GAB4: variants seen among roughly 807,000 people sequenced by gnomAD.
The protein encoded by GAB4 is GRB2 associated binding protein family member 4, also known as GRB2-associated-binding protein 4.
A neutral mutation model predicts 51.3 loss-of-function variants in GAB4; 26 were observed. The observed-to-expected ratio is 0.51, with a 90% CI of 0.37 to 0.70. The LOEUF is 0.70. GAB4 is among the 30% of genes least tolerant of loss of function. The pLI is 0.00. For missense variants in GAB4, 759 were observed against 734.6 expected, an observed-to-expected ratio of 1.03 and a Z score of -0.38; for synonymous variants, 329 against 291.2, an observed-to-expected ratio of 1.13 and a Z score of -1.32.
intron 3 of GAB4, among the ~76,000 whole-genome samples, chr22:16,976,084 A>C (rs1419879208): frequency 6.6e-6 from 1 of 152,236 alleles, no homozygotes; most frequent in African/African-American, 2.4e-5. Flanking sequence ...AAAACAGTGC[A>C]AAAAGGCTGA....
At position 16,992,073 on chromosome 22, in the gene GAB4, G is replaced by A. The variant is rs775789722; in HGVS notation, c.278C>T (p.Thr93Ile). Reference sequence around the variant, plus strand: ...CTGCTCACAGAGGTTCAGGTTGATGGTGCGCAGGGGCTTCTTGGAGCCATC... The same window carrying A: ...CTGCTCACAGAGGTTCAGGTTGATGATGCGCAGGGGCTTCTTGGAGCCATC... ...KNDGSKKPLR[T>I]INLNLCEQLD... Residue 93 changes from threonine to isoleucine, a missense_variant, in exon 2 of 10, where the codon ACC (threonine) becomes ATC (isoleucine). Thr to Ile is a moderately conservative substitution (Grantham distance 89). Transcript: ENST00000400588. 5.6e-6 allele frequency: 9 copies of A among 1,614,082 alleles called. No homozygotes were observed.
chr22:16,978,441 G>T (rs1464659397), intron 3 of GAB4, among the ~76,000 whole-genome samples: 2 of 151,902 alleles, frequency 1.3e-5, no homozygotes, highest in Non-Finnish European at 2.9e-5. Flanking sequence ...GAAGAAATGG[G>T]CAAATACCTG....
At chr22:16,982,580 C>T (rs1207104741) in intron 3 of GAB4, among the ~76,000 whole-genome samples, 1 of 152,062 alleles carries the variant, frequency 6.6e-6, no homozygotes, top group African/African-American at 2.4e-5. Flanking sequence ...TTAAAATGTC[C>T]ACACCACCTA....
intron 5 of GAB4, 88 bp from the exon 6 acceptor site, chr22:16,966,452 A>T: frequency 7.4e-7 from 1 of 1,356,722 alleles, no homozygotes. Flanking sequence ...AAAAAGAGTC[A>T]TGACGGGGTG....
chr22:16,966,461 T>C, intron 5 of GAB4, 97 bp from the exon 6 acceptor site: 1 of 1,270,786 alleles, frequency 7.9e-7, no homozygotes, highest in Non-Finnish European at 1.1e-6. Flanking sequence ...CATGACGGGG[T>C]GTTTTGAACG....
At chr22:16,999,081 G>A (rs559888937) in intron 1 of GAB4, among the ~76,000 whole-genome samples, 2 of 152,310 alleles carry the variant, frequency 1.3e-5, no homozygotes, top group East Asian at 1.9e-4. Context: ...TGTTCATCAG[G>A]GATATTGGTC....
At chr22:16,974,877 T>C (rs1395272758) in intron 3 of GAB4, among the ~76,000 whole-genome samples, 2 of 151,994 alleles carry the variant, frequency 1.3e-5, no homozygotes, top group African/African-American at 4.8e-5. Flanking sequence ...CGAAGCAGGG[T>C]GGGGCGTCAC....
At chr22:16,962,976 A>C in intron 9 of GAB4, 100 bp from the exon 10 acceptor site, 12 of 1,160,992 alleles carry the variant, frequency 1.0e-5, no homozygotes, top group South Asian at 1.5e-5. Context: ...TCTCAGGGGG[A>C]AGGAACCTCT....
At position 17,007,810 on chromosome 22, in the gene GAB4, G is replaced by A. The variant is rs929676469; in HGVS notation, c.174+131C>T. ...CTCTCACTGGCGGGGAGTCGCCTTC[G>A]CATGCAGACGTGGAGAAGTCGCCTC... On this transcript the variant is annotated intron_variant, in intron 1 of 9. Transcript: ENST00000400588. 68 of 799,448 alleles carry A rather than the reference G, an allele frequency of 8.5e-5. No homozygotes were observed. The Middle Eastern group carries it at 1.2e-3, about 14-fold the overall frequency. The allele number at this position is 799,448 out of a possible 1,614,324, so 49.5% of individuals were successfully genotyped here. A position where few individuals can be genotyped will look rare whatever the true frequency, so the allele number is the denominator to read the frequency against.
intron 4 of GAB4, 149 bp downstream of exon 4, chr22:16,969,794 C>T: frequency 1.0e-6 from 1 of 1,003,142 alleles, no homozygotes; most frequent in South Asian, 1.5e-5. Flanking sequence ...GAGTGGCCAC[C>T]ACCATGGCAT....
intron 3 of GAB4, among the ~76,000 whole-genome samples, chr22:16,977,666 C>T (rs551904801): frequency 6.6e-6 from 1 of 152,298 alleles, no homozygotes; most frequent in East Asian, 1.9e-4. Context: ...AGTTCTGGAA[C>T]AAGCAGACCT....
At position 16,964,419 on chromosome 22, in the gene GAB4, C is replaced by G. The variant is rs1055298808; in HGVS notation, c.1476+347G>C. Among the ~76,000 whole-genome samples, 25 of 152,212 alleles carry G rather than the reference C, an allele frequency of 1.6e-4. 1 individual carries two copies. The highest frequency in any genetic ancestry group is 1.5e-3 in the Admixed American group (23 of 15,288). On this transcript the variant is annotated intron_variant, in intron 8 of 9. Transcript: ENST00000400588. ...ACCTGCATCTCCACGTCTCTCACAG[C>G]CCTCACCAGGGTGAAGCATGTACAT...
rs1175630056 is a variant in GAB4, at chr22:16,992,099, A to G, written c.252T>C (p.Asn84=). 1 of 1,614,236 alleles carries G rather than the reference A, an allele frequency of 6.2e-7. No homozygotes were observed. Among genetic ancestry groups the G allele is most frequent in the Non-Finnish European group, 8.5e-7 (1 of 1,180,032 alleles). Reference sequence around the variant, plus strand: ...TGCGCAGGGGCTTCTTGGAGCCATCATTCTTGTAGTATTCCAGAACATCTG... The same window carrying G: ...TGCGCAGGGGCTTCTTGGAGCCATCGTTCTTGTAGTATTCCAGAACATCTG... ...SDPDVLEYYK[N]DGSKKPLRTI... is the part of the protein sequence containing the mutation. Residue 84 remains asparagine, a synonymous_variant, in exon 2 of 10, where the codon AAT becomes AAC. Transcript: ENST00000400588.
intron 1 of GAB4, among the ~76,000 whole-genome samples, chr22:16,995,344 G>A (rs1007176865): frequency 1.3e-5 from 2 of 152,224 alleles, no homozygotes; most frequent in African/African-American, 4.8e-5. Context: ...TCCAGTGCCT[G>A]TAATTTACTG....
intron 1 of GAB4, among the ~76,000 whole-genome samples, chr22:17,006,504 G>C (rs1569115153): frequency 6.6e-6 from 1 of 152,168 alleles, no homozygotes; most frequent in Non-Finnish European, 1.5e-5. Context: ...TCCCATTACT[G>C]GGTATATACC....
chr22:16,988,157 TCCCAGGAAGCCTG>T lies in GAB4; in HGVS notation c.479-3_488del, dbSNP rs2060884535. 6.2e-7 allele frequency: 1 copy of T among 1,612,748 alleles called. No individual in the cohort carries two copies. Among genetic ancestry groups the T allele is most frequent in the African/African-American group, 1.3e-5 (1 of 75,010 alleles). ...GGCCGTGACTGGCTGAGGAAATGTTTCCCAGGAAGCCTGTGAATGAAACAGGAAGGAAGGGCAT... is the reference window on the plus strand; with the variant it reads ...GGCCGTGACTGGCTGAGGAAATGTTTTGAATGAAACAGGAAGGAAGGGCAT... On this transcript the variant is annotated splice_acceptor_variant and splice_polypyrimidine_tract_variant and coding_sequence_variant and intron_variant, in exon 3 of 10. Coordinates refer to ENST00000400588, the MANE Select transcript of GAB4 (RefSeq NM_001037814.1). LOFTEE classifies it high-confidence loss of function.
At chr22:16,981,132 T>C (rs945225209) in intron 3 of GAB4, among the ~76,000 whole-genome samples, 13 of 151,966 alleles carry the variant, frequency 8.6e-5, no homozygotes, top group Admixed American at 8.5e-4. Context: ...GTTCTGCACA[T>C]GTATCCCAGA....
intron 3 of GAB4, among the ~76,000 whole-genome samples, chr22:16,983,137 G>A (rs62237424): frequency 0.051 from 7,818 of 152,218 alleles, 263 homozygotes; most frequent in Middle Eastern, 0.086. Context: ...ATGCTAAACC[G>A]TCACAGGTGT....
intron 1 of GAB4, among the ~76,000 whole-genome samples, chr22:16,998,607 T>C (rs996251879): frequency 1.3e-5 from 2 of 152,170 alleles, no homozygotes; most frequent in African/African-American, 4.8e-5. Flanking sequence ...ACAATTTGAT[T>C]TCCTCTTTTT....
Sources: allele counts gnomAD v4.1 joint callset (sites outside exome capture counted in the v4.1 genomes callset), GRCh38; gene constraint gnomAD v4.1.1; transcripts MANE v1.5; gene names NCBI Gene and HGNC (gene_info 2026-07-23, HGNC 2026-07-21).